Variants in TSC2 observed in about 807,000 individuals in gnomAD.
TSC2 encodes tuberin.
A neutral mutation model predicts 202.2 loss-of-function variants in TSC2; 29 were observed. The ratio of observed to expected loss-of-function variants is 0.14; its 90% confidence interval spans 0.11 to 0.20. The LOEUF is 0.20. Among genes scored for constraint, TSC2 ranks in the 10% least tolerant of loss-of-function variants. The pLI, the probability that TSC2 is intolerant of heterozygous loss-of-function variation, is 1.00. For missense variants in TSC2, 2,429 were observed against 2,420.0 expected, an observed-to-expected ratio of 1.00 and a Z score of -0.08; for synonymous variants, 1,349 against 1,044.0, an observed-to-expected ratio of 1.29 and a Z score of -5.63.
intron 38 of TSC2, 96 bp downstream of exon 38, chr16:2,086,967 CGAG>C (rs1383335567): frequency 1.1e-4 from 165 of 1,526,368 alleles, no homozygotes; most frequent in Admixed American, 3.9e-4. Flanking sequence ...GCTTCGGTCA[CGAG>C]GAGCAGGAGG....
Position 2,071,897 on chromosome 16 carries a change from C to T in TSC2, c.2060C>T (p.Ser687Phe), listed in dbSNP as rs1455799897. 6.3e-7 allele frequency: 1 copy of T among 1,596,142 alleles called. No individual in the cohort carries two copies. The highest frequency in any genetic ancestry group is 2.3e-5 in the East Asian group (1 of 44,034). Reference sequence around the variant, plus strand: ...GTGCGGCTGGGGTCCGTGCCCTACTCCCTGCTCTTCCGCGTCCTGCTGCAG... The same window carrying T: ...GTGCGGCTGGGGTCCGTGCCCTACTTCCTGCTCTTCCGCGTCCTGCTGCAG... ...PAVRLGSVPY[S>F]LLFRVLLQCL... Residue 687 changes from serine to phenylalanine, a missense_variant, in exon 19 of 42, where the codon TCC becomes TTC. Coordinates refer to ENST00000219476, the MANE Select transcript of TSC2 (RefSeq NM_000548.5).
intron 36 of TSC2, 91 bp downstream of exon 36, chr16:2,085,413 C>A: frequency 7.5e-7 from 1 of 1,332,210 alleles, no homozygotes; most frequent in Non-Finnish European, 1.1e-6. Flanking sequence ...CAACGCCCCA[C>A]AGAGCTCAAC....
Position 2,076,951 on chromosome 16 carries a change from G to T in TSC2, c.2837+366G>T, listed in dbSNP as rs775708863. Reference sequence around the variant, plus strand: ...CTGCTTCATCACCGCCGCCTTGCCGGACCGCAAAGAGCTGAGCCAGCCTCT... The same window carrying T: ...CTGCTTCATCACCGCCGCCTTGCCGTACCGCAAAGAGCTGAGCCAGCCTCT... On this transcript the variant is annotated intron_variant, in intron 25 of 41. Transcript: ENST00000219476. 5.3e-5 allele frequency among the ~76,000 whole-genome samples: 8 copies of T among 152,338 alleles called. No individual in the cohort carries two copies. The South Asian group carries it at 6.2e-4, about 12-fold the overall frequency.
intron 16 of TSC2, among the ~76,000 whole-genome samples, chr16:2,065,923 A>G (rs1027191563): frequency 5.3e-5 from 8 of 152,188 alleles, no homozygotes; most frequent in African/African-American, 1.4e-4. Context: ...GTCACCCAGC[A>G]CAGCACCTGG....
At chr16:2,081,898 G>A in intron 31 of TSC2, 100 bp downstream of exon 31, 1 of 1,475,638 alleles carries the variant, frequency 6.8e-7, no homozygotes, top group Non-Finnish European at 9.2e-7. Context: ...CGCCCACACG[G>A]CTGGGAGTGG....
chr16:2,052,525 G>C (rs1482429085), intron 3 of TSC2, among the ~76,000 whole-genome samples: 1 of 152,152 alleles, frequency 6.6e-6, no homozygotes, highest in African/African-American at 2.4e-5. Context: ...GCCCAGGCTA[G>C]TCTGAAACTC....
rs112925751 is a variant in TSC2, at chr16:2,082,519, A to C, written c.3883+15A>C. On this transcript the variant is annotated intron_variant, in intron 32 of 41. Coordinates refer to ENST00000219476, the MANE Select transcript of TSC2 (RefSeq NM_000548.5). ...TTCCTGGGCAGGTATCGCCTCTCAGAGGGAAGCGGTTGGCTGCAGAGCGCC... is the reference window on the plus strand; with the variant it reads ...TTCCTGGGCAGGTATCGCCTCTCAGCGGGAAGCGGTTGGCTGCAGAGCGCC... 8.7e-6 allele frequency: 14 copies of C among 1,609,824 alleles called. No homozygotes were observed. Among genetic ancestry groups the C allele is most frequent in the African/African-American group, 6.7e-5 (5 of 75,042 alleles).
chr16:2,049,996 C>T (rs1303309019), intron 2 of TSC2, among the ~76,000 whole-genome samples: 2 of 148,580 alleles, frequency 1.3e-5, no homozygotes, highest in Admixed American at 6.7e-5. Context: ...GCTCTTGTCA[C>T]CCAGGCTGGA....
At position 2,079,501 on chromosome 16, in the gene TSC2, A is replaced by T; in HGVS notation, c.3285-56A>T. 6.2e-7 allele frequency: 1 copy of T among 1,606,424 alleles called. No homozygotes were observed. The highest frequency in any genetic ancestry group is 8.5e-7 in the Non-Finnish European group (1 of 1,177,170). ...TGTCCCGAGCCCAGGCCCACGTGGC[A>T]CCCTCGTACCAGCCTGGGGACTAAG... On this transcript the variant is annotated intron_variant, in intron 28 of 41. Transcript: ENST00000219476. The surrounding 1 kb of genome is among the most constrained non-coding windows in gnomAD (Gnocchi z 4.6).
intron 14 of TSC2, 139 bp from the exon 15 acceptor site, chr16:2,064,133 T>C: frequency 7.2e-7 from 1 of 1,388,852 alleles, no homozygotes; most frequent in East Asian, 2.3e-5. Flanking sequence ...CAGCGGGTGC[T>C]TGTGCTCTCT....
At position 2,056,606 on chromosome 16, in the gene TSC2, G is replaced by A. The variant is rs1228694724; in HGVS notation, c.649-38G>A. 4 of 1,603,272 alleles carry A rather than the reference G, an allele frequency of 2.5e-6. No individual in the cohort carries two copies. The South Asian group carries it at 4.4e-5, about 18-fold the overall frequency. On this transcript the variant is annotated intron_variant, in intron 7 of 41. Coordinates refer to ENST00000219476, the MANE Select transcript of TSC2 (RefSeq NM_000548.5). The stretch of plus-strand genomic sequence containing the variant: ...GTGTCCTCTCCTGTGGGGAGGAGCT[G>A]GGGTAGGACGGGCGTGAGCCGTCTC...
rs1459785336 is a variant in TSC2, at chr16:2,061,864, A to G, written c.1120-7A>G. On this transcript the variant is annotated splice_polypyrimidine_tract_variant and splice_region_variant and intron_variant, in intron 11 of 41. Transcript: ENST00000219476. ...GTCAGCCTGTGTCATCGTGCCTGGTACTGCAGACCTTGGACAGCCCGGAGC... is the reference window on the plus strand; with the variant it reads ...GTCAGCCTGTGTCATCGTGCCTGGTGCTGCAGACCTTGGACAGCCCGGAGC... The G allele has an allele frequency of 6.2e-7, 1 of 1,614,030 alleles. No individual in the cohort carries two copies. Among genetic ancestry groups the G allele is most frequent in the Non-Finnish European group, 8.5e-7 (1 of 1,180,006 alleles).
intron 36 of TSC2, among the ~76,000 whole-genome samples, chr16:2,085,695 C>A (rs1339346383): frequency 6.6e-6 from 1 of 152,194 alleles, no homozygotes; most frequent in Non-Finnish European, 1.5e-5. Flanking sequence ...CCGGGCGCAC[C>A]CTGCCCAGCT....
intron 4 of TSC2, 171 bp downstream of exon 4, chr16:2,053,623 C>T: frequency 1.4e-6 from 1 of 719,660 alleles, no homozygotes; most frequent in Non-Finnish European, 2.5e-6. Context: ...GTCATGAGGT[C>T]TGTGTGACCG....
At position 2,053,214 on chromosome 16, in the gene TSC2, G is replaced by C. The variant is rs965269677; in HGVS notation, c.226-128G>C. 7 of 900,344 alleles carry C rather than the reference G, an allele frequency of 7.8e-6. No individual in the cohort carries two copies. The East Asian group carries it at 1.9e-4, about 24-fold the overall frequency. 55.8% of individuals were successfully genotyped at this position (900,344 alleles called of 1,614,324 possible). A position where few individuals can be genotyped will look rare whatever the true frequency, so the allele number is the denominator to read the frequency against. ...GGAGACACAGGAGATACGAGCTTTGGAGGTGGGGCTCTCAGTCACAAGCCC... is the reference window on the plus strand; with the variant it reads ...GGAGACACAGGAGATACGAGCTTTGCAGGTGGGGCTCTCAGTCACAAGCCC... On this transcript the variant is annotated intron_variant, in intron 3 of 41. Coordinates refer to ENST00000219476, the MANE Select transcript of TSC2 (RefSeq NM_000548.5).
At chr16:2,081,879 T>C (rs1787844159) in intron 31 of TSC2, 81 bp downstream of exon 31, 1 of 1,545,222 alleles carries the variant, frequency 6.5e-7, no homozygotes, top group Middle Eastern at 2.3e-4. Context: ...GGCTCCTCTC[T>C]GCTGAGGGCG....
At chr16:2,083,018 T>C (rs1331559420) in intron 32 of TSC2, 1 of 438,096 alleles carries the variant, frequency 2.3e-6, no homozygotes, top group African/African-American at 2.0e-5. Flanking sequence ...GGTGCTCCCC[T>C]GCCAGGTCTC....
rs1555515982 is a variant in TSC2 at position 2,086,193 on chromosome 16, A to G, written c.4663A>G (p.Ser1555Gly). Residue 1555 changes from serine to glycine, a missense_variant and splice_region_variant, in exon 37 of 42, where the codon AGC (serine) becomes GGC (glycine). Ser to Gly is a moderately conservative substitution (Grantham distance 56, BLOSUM62 0). Coordinates refer to ENST00000219476, the MANE Select transcript of TSC2 (RefSeq NM_000548.5). ...CCCTGCCTCTCCCCTCTCCCCACAG[A>G]GCAACAGCGAGCTCGCCATCCTGTC... is the stretch of plus-strand genomic sequence containing the variant. Reference protein sequence around the residue: ...IAVLYVGEGQSNSELAILSNE... With the variant: ...IAVLYVGEGQGNSELAILSNE... 6.2e-7 allele frequency: 1 copy of G among 1,612,092 alleles called. No individual in the cohort carries two copies. The highest frequency in any genetic ancestry group is 8.5e-7 in the Non-Finnish European group (1 of 1,179,612).
At position 2,048,609 on chromosome 16, in the gene TSC2, G is replaced by A. The variant is rs2150969378; in HGVS notation, c.-7G>A. The A allele has an allele frequency of 6.2e-7, 1 of 1,613,766 alleles. No individual in the cohort carries two copies. The highest frequency in any genetic ancestry group is 8.5e-7 in the Non-Finnish European group (1 of 1,180,038). On this transcript the variant is annotated 5_prime_UTR_variant, in exon 2 of 42. Transcript: ENST00000219476. ...CAGAGGGGTTTTCTGGTGCGTCCTGGTCCACCATGGCCAAACCAACAAGCA... is the reference window on the plus strand; with the variant it reads ...CAGAGGGGTTTTCTGGTGCGTCCTGATCCACCATGGCCAAACCAACAAGCA...
Sources: allele counts gnomAD v4.1 joint callset (sites outside exome capture counted in the v4.1 genomes callset), GRCh38; gene constraint gnomAD v4.1.1; non-coding constraint Gnocchi (gnomAD v3.1); transcripts MANE v1.5; gene names NCBI Gene and HGNC (gene_info 2026-07-23, HGNC 2026-07-21).